KCNAB1: variants seen among roughly 807,000 people sequenced by gnomAD.
KCNAB1 encodes potassium voltage-gated channel subfamily A regulatory beta subunit 1.
A neutral mutation model predicts 64.6 loss-of-function variants in KCNAB1; 35 were observed. The ratio of observed to expected loss-of-function variants is 0.54; its 90% CI spans 0.41 to 0.72. The LOEUF is 0.72. KCNAB1 is among the 30% of genes least tolerant of loss of function. The pLI is 0.00. For missense variants in KCNAB1, 401 were observed against 512.9 expected (o/e 0.78, Z 2.11); for synonymous variants, 177 against 183.8 (o/e 0.96, Z 0.30).
intron 12 of KCNAB1, among the ~76,000 whole-genome samples, chr3:156,524,723 C>G (rs183969795): frequency 6.9e-5 from 9 of 130,738 alleles, no homozygotes; most frequent in Non-Finnish European, 1.4e-4. Context: ...CTCCAGCCTG[C>G]GTGACAGAGC....
chr3:156,498,667 T>C (rs1379051485), intron 8 of KCNAB1, among the ~76,000 whole-genome samples: 1 of 152,208 alleles, frequency 6.6e-6, no homozygotes, highest in African/African-American at 2.4e-5. Flanking sequence ...AGAAGACCAA[T>C]GATTAACAGT....
At chr3:156,426,294 T>C (rs79259090) in intron 2 of KCNAB1, among the ~76,000 whole-genome samples, 1,857 of 152,288 alleles carry the variant, frequency 0.012, 42 homozygotes, top group African/African-American at 0.042. Context: ...CTGCATATTA[T>C]TATTATTATT....
chr3:156,480,469 C>T (rs1040549406), intron 8 of KCNAB1, among the ~76,000 whole-genome samples: 1 of 151,584 alleles, frequency 6.6e-6, no homozygotes, highest in Non-Finnish European at 1.5e-5. Context: ...TGGGTGCAGC[C>T]AACCACCATG....
chr3:156,174,705 T>C (rs1224486039), intron 1 of KCNAB1, among the ~76,000 whole-genome samples: 3 of 152,194 alleles, frequency 2.0e-5, no homozygotes, highest in Non-Finnish European at 2.9e-5. Context: ...GAGGGGCTGA[T>C]ATTTAGCCAA....
intron 1 of KCNAB1, among the ~76,000 whole-genome samples, chr3:156,361,147 A>G (rs374418359): frequency 1.5e-4 from 23 of 152,126 alleles, no homozygotes; most frequent in African/African-American, 5.3e-4. Flanking sequence ...TACCGCCCTC[A>G]TCATTCTTCT....
At chr3:156,171,825 A>G (rs1158572669) in intron 1 of KCNAB1, among the ~76,000 whole-genome samples, 1 of 152,224 alleles carries the variant, frequency 6.6e-6, no homozygotes, top group Non-Finnish European at 1.5e-5. Flanking sequence ...AGTGACAAAA[A>G]TGCCTAGCCT....
At chr3:156,241,702 ACT>A (rs201100228) in intron 1 of KCNAB1, among the ~76,000 whole-genome samples, 2 of 147,412 alleles carry the variant, frequency 1.4e-5, no homozygotes, top group African/African-American at 5.0e-5. Context: ...TTCCTTCAGG[ACT>A]CTATTGTTTT....
chr3:156,138,889 G>A (rs1714530693), intron 1 of KCNAB1, among the ~76,000 whole-genome samples: 1 of 152,170 alleles, frequency 6.6e-6, no homozygotes, highest in Non-Finnish European at 1.5e-5. Flanking sequence ...GCTTCTATAT[G>A]TGGCTTCTGT....
rs1715996543 is a variant in KCNAB1 at position 156,160,240 on chromosome 3, A to T, written c.275+39354A>T. 2.0e-5 allele frequency among the ~76,000 whole-genome samples: 3 copies of T among 152,370 alleles called. No individual in the cohort carries two copies. The South Asian group carries it at 6.2e-4, about 32-fold the overall frequency. On this transcript the variant is annotated intron_variant, in intron 1 of 13. Coordinates refer to ENST00000490337, the MANE Select transcript of KCNAB1 (RefSeq NM_172160.3). ...TTTTAGAGACAGGCAGATCTGCACT[A>T]AATGCTTGTTTTAAATCTTGCTAGG...
chr3:156,158,688 C>A (rs1715901349), intron 1 of KCNAB1, among the ~76,000 whole-genome samples: 1 of 152,176 alleles, frequency 6.6e-6, no homozygotes, highest in Admixed American at 6.5e-5. Flanking sequence ...CTCTCTGCAT[C>A]TGTGGGCTTT....
intron 12 of KCNAB1, among the ~76,000 whole-genome samples, chr3:156,524,548 C>G (rs1718167889): frequency 6.6e-6 from 1 of 151,950 alleles, no homozygotes; most frequent in Admixed American, 6.6e-5. Flanking sequence ...GAGATCGAGA[C>G]CATCCTGGCT....
At chr3:156,484,270 T>C (rs1412802809) in intron 8 of KCNAB1, among the ~76,000 whole-genome samples, 2 of 152,150 alleles carry the variant, frequency 1.3e-5, no homozygotes, top group African/African-American at 4.8e-5. Context: ...GGGAGACTAT[T>C]GTACCTTCTC....
intron 1 of KCNAB1, among the ~76,000 whole-genome samples, chr3:156,144,727 G>A (rs1714937558): frequency 6.6e-6 from 1 of 152,128 alleles, no homozygotes; most frequent in Admixed American, 6.5e-5. Context: ...CGGGCGAAGG[G>A]GAAGATGGAC....
At chr3:156,301,593 G>T (rs1721156748) in intron 1 of KCNAB1, among the ~76,000 whole-genome samples, 1 of 152,162 alleles carries the variant, frequency 6.6e-6, no homozygotes, top group Non-Finnish European at 1.5e-5. Context: ...GAAATCCATG[G>T]TCTAACATAC....
At chr3:156,536,192 G>A (rs1357234182) in intron 13 of KCNAB1, among the ~76,000 whole-genome samples, 3 of 152,322 alleles carry the variant, frequency 2.0e-5, no homozygotes, top group South Asian at 2.1e-4. Flanking sequence ...CGGGAAAGAT[G>A]GTGAGTCCAA....
chr3:156,449,045 G>A (rs1711799595), intron 2 of KCNAB1, among the ~76,000 whole-genome samples: 1 of 152,098 alleles, frequency 6.6e-6, no homozygotes, highest in South Asian at 2.1e-4. Context: ...CAGGGAGGTA[G>A]TCATCATGAA....
At chr3:156,231,250 T>G (rs1716502622) in intron 1 of KCNAB1, among the ~76,000 whole-genome samples, 1 of 152,198 alleles carries the variant, frequency 6.6e-6, no homozygotes, top group South Asian at 2.1e-4. Context: ...CAAACTTCTA[T>G]CTAAGGGGTC....
intron 1 of KCNAB1, among the ~76,000 whole-genome samples, chr3:156,286,389 T>C (rs763137044): frequency 8.5e-5 from 13 of 152,248 alleles, no homozygotes; most frequent in Non-Finnish European, 1.8e-4. Context: ...TTAAAATTCT[T>C]CTAATATTAG....
At chr3:156,436,376 T>C (rs751991862) in intron 2 of KCNAB1, among the ~76,000 whole-genome samples, 1 of 152,362 alleles carries the variant, frequency 6.6e-6, no homozygotes, top group South Asian at 2.1e-4. Context: ...GCAATGAACA[T>C]ATATGTGCAT....
Sources: allele counts gnomAD v4.1 joint callset (sites outside exome capture counted in the v4.1 genomes callset), GRCh38; gene constraint gnomAD v4.1.1; transcripts MANE v1.5; gene names NCBI Gene and HGNC (gene_info 2026-07-23, HGNC 2026-07-21).